The following AKNAD1 variants were observed in gnomAD, a reference collection of about 807,000 sequenced individuals.
The protein encoded by AKNAD1 is protein AKNAD1.
Under a neutral mutation model 90.8 loss-of-function variants are expected in AKNAD1, and 67 were observed. The ratio of observed to expected loss-of-function variants is 0.74; its 90% confidence interval spans 0.61 to 0.90. The LOEUF (loss-of-function observed/expected upper bound fraction) is 0.90, where lower values mean the gene tolerates loss of function less well. AKNAD1 is among the 40% of genes least tolerant of loss of function. AKNAD1 has a pLI of 0.00. For synonymous variants in AKNAD1, 327 were observed against 341.4 expected, an observed-to-expected ratio of 0.96 and a Z score of 0.46; for missense variants, 957 against 975.4, an observed-to-expected ratio of 0.98 and a Z score of 0.25.
intron 5 of AKNAD1, among the ~76,000 whole-genome samples, chr1:108,844,377 C>CATATATATATATATATATATATATATAT (rs35559697): frequency 1.9e-4 from 27 of 145,104 alleles, no homozygotes; most frequent in African/African-American, 3.8e-4. Context: ...TCTCTCTCTC[C>CATATATATATATATATATATATATATAT]ATATATATAT....
intron 9 of AKNAD1, among the ~76,000 whole-genome samples, chr1:108,832,941 C>G (rs113898062): frequency 3.5e-4 from 53 of 152,248 alleles, no homozygotes; most frequent in African/African-American, 1.2e-3. Flanking sequence ...TCAGCATGTA[C>G]CATTTGAACC....
intron 14 of AKNAD1, among the ~76,000 whole-genome samples, chr1:108,819,912 T>C (rs1237738271): frequency 1.2e-5 from 1 of 85,044 alleles, no homozygotes; most frequent in East Asian, 4.8e-4. Context: ...TAAAAATGAA[T>C]TAACAGCAAA....
intron 6 of AKNAD1, among the ~76,000 whole-genome samples, chr1:108,840,021 GA>G (rs5776954): frequency 0.86 from 124,843 of 145,734 alleles, 53,305 homozygotes; most frequent in Admixed American, 0.91. Flanking sequence ...GACTTTGTCT[GA>G]AAAAAAAAAA....
At chr1:108,834,385 G>A in intron 9 of AKNAD1, 62 bp downstream of exon 9, 1 of 1,371,110 alleles carries the variant, frequency 7.3e-7, no homozygotes, top group East Asian at 2.4e-5. Context: ...CAGCAACACT[G>A]GTTTTAGTTA....
At chr1:108,827,423 G>T in intron 10 of AKNAD1, 121 bp from the exon 11 acceptor site, 3 of 709,142 alleles carry the variant, frequency 4.2e-6, no homozygotes, top group South Asian at 1.7e-5. Flanking sequence ...TGTAGGAGGG[G>T]CTTGTCATCC....
chr1:108,821,413 T>C (rs1432682771), intron 13 of AKNAD1, among the ~76,000 whole-genome samples: 1 of 152,116 alleles, frequency 6.6e-6, no homozygotes, highest in Non-Finnish European at 1.5e-5. Flanking sequence ...ATAGTGCCAC[T>C]GCACTCCAGC....
intron 15 of AKNAD1, 180 bp downstream of exon 15, chr1:108,816,868 A>G (rs1277214): frequency 0.51 from 325,942 of 639,496 alleles, 85,513 homozygotes; most frequent in East Asian, 0.78. Flanking sequence ...TTAGAATAAT[A>G]CAAACCTTGC....
Position 108,820,567 on chromosome 1 carries a change from C to T in AKNAD1, c.2227G>A (p.Glu743Lys). 1 of 1,609,602 alleles carries T rather than the reference C, an allele frequency of 6.2e-7. No individual in the cohort carries two copies. The highest frequency in any genetic ancestry group is 1.7e-4 in the Middle Eastern group (1 of 5,992). ...QRVNSKSFKG[E>K]HEPTPGKKKL... ...TACTTTCCTGGTGTGGGCTCATGTTCACCTTTAAAGGATTTTGAATTCACT... is the reference window on the plus strand; with the variant it reads ...TACTTTCCTGGTGTGGGCTCATGTTTACCTTTAAAGGATTTTGAATTCACT... The change falls in exon 14 of 16, where the codon GAA becomes AAA. Residue 743 changes from glutamate to lysine, a missense_variant. Physicochemically the swap from Glu to Lys is moderately conservative, Grantham distance 56. Transcript: ENST00000370001.
chr1:108,822,538 G>A (rs1663850348), intron 13 of AKNAD1, among the ~76,000 whole-genome samples: 1 of 152,172 alleles, frequency 6.6e-6, no homozygotes, highest in South Asian at 2.1e-4. Context: ...GCTGGAGGTG[G>A]GGAGGGGAGA....
At chr1:108,850,487 G>T (rs1448860000) in intron 2 of AKNAD1, among the ~76,000 whole-genome samples, 3 of 152,174 alleles carry the variant, frequency 2.0e-5, no homozygotes, top group Admixed American at 6.5e-5. Flanking sequence ...TACCACGGGG[G>T]TGTAGGTTTC....
intron 6 of AKNAD1, among the ~76,000 whole-genome samples, chr1:108,839,478 A>AAAAAAGAAAAAAAAAAAAAAAAAAG (rs1664474443): frequency 6.6e-6 from 1 of 151,668 alleles, no homozygotes; most frequent in African/African-American, 2.4e-5. Context: ...CAATAAAAAA[A>AAAAAAGAAAAAAAAAAAAAAAAAAG]AAAAGAAAAG....
intron 6 of AKNAD1, among the ~76,000 whole-genome samples, chr1:108,840,269 C>A (rs903092400): frequency 6.6e-6 from 1 of 151,884 alleles, no homozygotes; most frequent in Admixed American, 6.6e-5. Flanking sequence ...ATAAGGTAGC[C>A]CAGTACAAGT....
intron 6 of AKNAD1, among the ~76,000 whole-genome samples, chr1:108,839,285 A>C (rs1350430757): frequency 1.3e-5 from 2 of 152,132 alleles, no homozygotes; most frequent in Non-Finnish European, 2.9e-5. Context: ...GGAGATCAAG[A>C]CCATACTGGC....
chr1:108,849,152 A>C, intron 3 of AKNAD1, 92 bp from the exon 4 acceptor site: 1 of 1,115,542 alleles, frequency 9.0e-7, no homozygotes, highest in Non-Finnish European at 1.2e-6. Flanking sequence ...TGCAGTCACC[A>C]CCACTTACTA....
intron 1 of AKNAD1, among the ~76,000 whole-genome samples, chr1:108,853,665 GC>G (rs199714780): frequency 0.014 from 2,116 of 151,726 alleles, 33 homozygotes; most frequent in South Asian, 0.059. Flanking sequence ...CGGGCACGGT[GC>G]CTCACACCTG....
At chr1:108,856,901 A>AT (rs1272696850) in intron 1 of AKNAD1, 28 bp downstream of exon 1, 4 of 152,116 alleles carry the variant, frequency 2.6e-5, no homozygotes, top group Admixed American at 6.6e-5. Flanking sequence ...TATCAAGAGG[A>AT]TTTTTTCTGG....
chr1:108,844,110 C>T (rs139457919), intron 5 of AKNAD1, among the ~76,000 whole-genome samples: 10,381 of 152,244 alleles, frequency 0.068, 441 homozygotes, highest in Non-Finnish European at 0.082. Context: ...TGCCTATAAT[C>T]CCAGCACTTT....
intron 1 of AKNAD1, among the ~76,000 whole-genome samples, chr1:108,854,100 C>T (rs6667664): frequency 0.024 from 3,613 of 152,240 alleles, 139 homozygotes; most frequent in African/African-American, 0.082. Flanking sequence ...ACAGCCCAGG[C>T]GGCGGTCTGG....
rs763309256 is a variant in AKNAD1, at chr1:108,851,756, T to C, written c.909A>G (p.Leu303=). The C allele has an allele frequency of 9.9e-6, 16 of 1,613,776 alleles. No individual in the cohort carries two copies. Among genetic ancestry groups the C allele is most frequent in the Admixed American group, 1.7e-5 (1 of 59,916 alleles). ...CACAGTTTGACTCAGGCGTGGTTTC[T>C]AGACTATCTTGCACAAGAGTGGGTT... is the stretch of plus-strand genomic sequence containing the variant. ...RDKPTLVQDS[L]ETTPESNCVE... The change falls in exon 2 of 16, where the codon CTA becomes CTG. Residue 303 remains leucine (L), a synonymous_variant. Transcript: ENST00000370001.
Sources: allele counts gnomAD v4.1 joint callset (sites outside exome capture counted in the v4.1 genomes callset), GRCh38; gene constraint gnomAD v4.1.1; transcripts MANE v1.5; gene names NCBI Gene and HGNC (gene_info 2026-07-23, HGNC 2026-07-21).